Variants in BNC2 observed in about 807,000 individuals in gnomAD.
BNC2 encodes the protein zinc finger protein basonuclin-2.
In BNC2, 20 loss-of-function variants were observed where a neutral mutation model predicts 76.3. The ratio of observed to expected loss-of-function variants is 0.26; its 90% confidence interval spans 0.18 to 0.38. BNC2 has a LOEUF of 0.38. Ranked by LOEUF, BNC2 falls within the 10% of genes least tolerant of loss-of-function variation. The pLI is 1.00. For missense variants in BNC2, 1,382 were observed against 1,399.8 expected (o/e 0.99, Z 0.20); for synonymous variants, 582 against 514.8 (o/e 1.13, Z -1.77).
chr9:16,694,565 G>A (rs1823279294), intron 3 of BNC2, among the ~76,000 whole-genome samples: 1 of 152,174 alleles, frequency 6.6e-6, no homozygotes. Context: ...AGGAATTCCG[G>A]CTGCTCTAAA....
intron 1 of BNC2, among the ~76,000 whole-genome samples, chr9:16,820,962 A>G (rs1400777043): frequency 3.9e-5 from 6 of 152,108 alleles, no homozygotes; most frequent in Non-Finnish European, 7.4e-5. Context: ...TGGGAGGCCG[A>G]GGCAGGAGCA....
intron 1 of BNC2, among the ~76,000 whole-genome samples, chr9:16,785,543 T>C (rs1826265149): frequency 6.9e-6 from 1 of 145,712 alleles, no homozygotes; most frequent in Non-Finnish European, 1.5e-5. Context: ...TACAGTCCTG[T>C]ACCACTACAC....
intron 3 of BNC2, among the ~76,000 whole-genome samples, chr9:16,656,351 T>C (rs1488064021): frequency 6.6e-6 from 1 of 151,856 alleles, no homozygotes; most frequent in African/African-American, 2.4e-5. Context: ...TGCTGAGGAG[T>C]TTCTGTCTCA....
chr9:16,747,986 A>G (rs1030755383), intron 1 of BNC2, among the ~76,000 whole-genome samples: 3 of 147,602 alleles, frequency 2.0e-5, no homozygotes, highest in Admixed American at 7.0e-5. Flanking sequence ...AATCTTTCCA[A>G]TGGAATATTA....
intron 1 of BNC2, among the ~76,000 whole-genome samples, chr9:16,804,803 C>T (rs575261247): frequency 6.6e-5 from 10 of 152,162 alleles, no homozygotes; most frequent in African/African-American, 2.4e-4. Flanking sequence ...GTGGCTCACG[C>T]CTGTAATCCC....
chr9:16,769,508 A>T (rs1256798015), intron 1 of BNC2, among the ~76,000 whole-genome samples: 3 of 152,178 alleles, frequency 2.0e-5, no homozygotes, highest in African/African-American at 7.2e-5. Context: ...TCAGGGACGG[A>T]ATCATTGCAC....
chr9:16,614,933 A>G (rs1820654053), intron 3 of BNC2, among the ~76,000 whole-genome samples: 1 of 127,526 alleles, frequency 7.8e-6, no homozygotes. Flanking sequence ...TCCAGCTTGG[A>G]TGACAGAGTG....
rs187724022 is a variant in BNC2, at chr9:16,711,057, G to A, written c.330+16740C>T. On this transcript the variant is annotated intron_variant, in intron 3 of 6. Transcript: ENST00000380672. ...CTCGCTCCCTCTAATGAGAGCAGAT[G>A]AATTAGTGCTACGTGACACGATTTG... 3.0e-3 allele frequency among the ~76,000 whole-genome samples: 460 copies of A among 151,956 alleles called. 1 individual carries two copies. Among genetic ancestry groups the A allele is most frequent in the Non-Finnish European group, 5.6e-3 (381 of 67,980 alleles).
chr9:16,867,929 C>A (rs1051993123), intron 1 of BNC2: 1 of 152,122 alleles, frequency 6.6e-6, no homozygotes, highest in Non-Finnish European at 1.5e-5. Flanking sequence ...CTGCGGCTCT[C>A]TGGGGATGTC....
chr9:16,826,842 G>A (rs540209434), intron 1 of BNC2, among the ~76,000 whole-genome samples: 16 of 152,232 alleles, frequency 1.1e-4, no homozygotes, highest in East Asian at 5.8e-4. Context: ...ATGGATGATC[G>A]ATGGATGGAT....
intron 1 of BNC2, among the ~76,000 whole-genome samples, chr9:16,838,604 T>C (rs1818759185): frequency 6.6e-6 from 1 of 152,172 alleles, no homozygotes; most frequent in Admixed American, 6.6e-5. Flanking sequence ...GTTTTAGTTC[T>C]GTGGATGTCA....
chr9:16,539,767 A>AGGG (rs1380066245), intron 5 of BNC2, among the ~76,000 whole-genome samples: 2 of 81,952 alleles, frequency 2.4e-5, no homozygotes, highest in African/African-American at 1.2e-4. Context: ...AGGAAAGGAA[A>AGGG]AGAAAGGAAA....
chr9:16,765,907 C>T (rs1012884670), intron 1 of BNC2, among the ~76,000 whole-genome samples: 3 of 152,050 alleles, frequency 2.0e-5, no homozygotes, highest in Non-Finnish European at 4.4e-5. Context: ...CTGCCTCAGC[C>T]TCCGGAGTAG....
At chr9:16,602,454 T>TG (rs1820268942) in intron 3 of BNC2, among the ~76,000 whole-genome samples, 1 of 152,176 alleles carries the variant, frequency 6.6e-6, no homozygotes, top group East Asian at 1.9e-4. Context: ...CCAAGCCAGA[T>TG]GACAGCATAA....
At chr9:16,480,746 G>A (rs1012120655) in intron 5 of BNC2, among the ~76,000 whole-genome samples, 4 of 152,232 alleles carry the variant, frequency 2.6e-5, no homozygotes, top group African/African-American at 4.8e-5. Context: ...GCCTTCCGGC[G>A]GGGCAGGGCT....
chr9:16,444,553 T>C (rs370646715), intron 5 of BNC2, among the ~76,000 whole-genome samples: 3 of 152,138 alleles, frequency 2.0e-5, no homozygotes, highest in South Asian at 2.1e-4. Context: ...GAGTGAGTGA[T>C]AGGCTCAGAC....
chr9:16,650,085 C>G (rs548495293), intron 3 of BNC2, among the ~76,000 whole-genome samples: 1 of 152,106 alleles, frequency 6.6e-6, no homozygotes, highest in Non-Finnish European at 1.5e-5. Context: ...ACCAAGAAAG[C>G]AAAAATGGAG....
intron 3 of BNC2, among the ~76,000 whole-genome samples, chr9:16,629,100 G>A (rs1453994488): frequency 6.6e-6 from 1 of 152,120 alleles, no homozygotes; most frequent in African/African-American, 2.4e-5. Flanking sequence ...TTTGGTTTTT[G>A]TCAGTGTTTC....
In BNC2 at chr9:16,836,359, T is replaced by C. The variant is rs541167019; in HGVS notation, c.3+34287A>G. ...ATTACTATAGCTGGAGTCAAACGAA[T>C]GCATATATAAAGTAGACCATCAGAA... is the stretch of plus-strand genomic sequence containing the variant. On this transcript the variant is annotated intron_variant, in intron 1 of 6. Coordinates refer to ENST00000380672, the MANE Select transcript of BNC2 (RefSeq NM_017637.6). 7.9e-5 allele frequency among the ~76,000 whole-genome samples: 12 copies of C among 152,208 alleles called. No individual in the cohort carries two copies. In the South Asian group the frequency reaches 2.3e-3, roughly 29 times the overall value.
Sources: allele counts gnomAD v4.1 joint callset (sites outside exome capture counted in the v4.1 genomes callset), GRCh38; gene constraint gnomAD v4.1.1; transcripts MANE v1.5; gene names NCBI Gene and HGNC (gene_info 2026-07-23, HGNC 2026-07-21).